The following ACSL5 variants were observed in gnomAD, a reference collection of about 807,000 sequenced individuals.
The protein encoded by ACSL5 is acyl-CoA synthetase long chain family member 5.
A neutral mutation model predicts 84.9 loss-of-function variants in ACSL5; 50 were observed. The ratio of observed to expected loss-of-function variants is 0.59; its 90% confidence interval spans 0.47 to 0.75. The LOEUF (loss-of-function observed/expected upper bound fraction) is 0.75, where lower values mean the gene tolerates loss of function less well. Ranked by LOEUF, ACSL5 falls within the 30% of genes least tolerant of loss-of-function variation. ACSL5 has a pLI of 0.00. For synonymous variants in ACSL5, 280 were observed against 300.7 expected, an observed-to-expected ratio of 0.93 and a Z score of 0.71; for missense variants, 775 against 830.4, an observed-to-expected ratio of 0.93 and a Z score of 0.82.
At chr10:112,411,250 A>G in intron 9 of ACSL5, 1 of 576,770 alleles carries the variant, frequency 1.7e-6, no homozygotes, top group South Asian at 2.1e-5. Context: ...ATAGTAGTAG[A>G]AGGCCAACGA....
intron 1 of ACSL5, among the ~76,000 whole-genome samples, chr10:112,392,137 G>A (rs1360549262): frequency 6.6e-6 from 1 of 152,188 alleles, no homozygotes; most frequent in African/African-American, 2.4e-5. Context: ...CTCTTAATTT[G>A]TGGGTGGGAT....
chr10:112,417,141 T>C, intron 13 of ACSL5, 119 bp downstream of exon 13: 1 of 1,096,924 alleles, frequency 9.1e-7, no homozygotes, highest in Non-Finnish European at 1.3e-6. Flanking sequence ...CTTTCAGACT[T>C]TGTGTCCACT....
intron 1 of ACSL5, chr10:112,394,707 G>A: frequency 8.2e-6 from 8 of 980,846 alleles, no homozygotes; most frequent in Non-Finnish European, 9.7e-6. Context: ...TAGCAGAGGT[G>A]GAGAATGTGT....
intron 17 of ACSL5, 57 bp from the exon 18 acceptor site, chr10:112,425,281 C>T (rs1375627240): frequency 2.0e-6 from 3 of 1,482,908 alleles, no homozygotes; most frequent in African/African-American, 1.4e-5. Context: ...ACCACTCTCC[C>T]CACTGATATC....
Position 112,421,475 on chromosome 10 carries a change from A to G in ACSL5, c.1315-118A>G, listed in dbSNP as rs1564743671. ...CGCCCCCTCCAAGTTCAAGGTTTTA[A>G]GACACTAAGTGGTCTCGAACCCTTA... On this transcript the variant is annotated intron_variant, in intron 14 of 20. Transcript: ENST00000354655. The G allele has an allele frequency of 3.5e-6, 3 of 852,668 alleles. No homozygotes were observed. The East Asian group carries it at 7.6e-5, about 22-fold the overall frequency. The allele number at this position is 852,668 out of a possible 1,614,324, so 52.8% of individuals were successfully genotyped here.
At chr10:112,407,824 A>G (rs148406127) in intron 5 of ACSL5, among the ~76,000 whole-genome samples, 32 of 152,276 alleles carry the variant, frequency 2.1e-4, no homozygotes, top group African/African-American at 7.2e-4. Context: ...CTCACCCTTG[A>G]AAGTGATCTC....
At chr10:112,409,999 T>C (rs1308303225) in intron 7 of ACSL5, 1 of 227,812 alleles carries the variant, frequency 4.4e-6, no homozygotes, top group Non-Finnish European at 7.3e-6. Flanking sequence ...GCTCCACATC[T>C]GTTAGGCAAC....
In ACSL5 at chr10:112,395,116, C is replaced by T; in HGVS notation, c.156+14C>T. ...GTGGGAATTGAGGTAATTTACCAGT[C>T]ATCCTTTTAGTTTGTCAACCTTCCT... On this transcript the variant is annotated intron_variant, in intron 2 of 20. Transcript: ENST00000354655. 1 of 1,608,580 alleles carries T rather than the reference C, an allele frequency of 6.2e-7. No homozygotes were observed. The highest frequency in any genetic ancestry group is 8.5e-7 in the Non-Finnish European group (1 of 1,175,926).
Position 112,417,019 on chromosome 10 carries a change from C to A in ACSL5, c.1215C>A (p.Ile405=). The A allele has an allele frequency of 6.2e-7, 1 of 1,613,604 alleles. No homozygotes were observed. Among genetic ancestry groups the A allele is most frequent in the Non-Finnish European group, 8.5e-7 (1 of 1,179,672 alleles). ...GGGACAAGCTCATCTTTGCAAAGATCCAGGTAGGTTGGGCAGGTCCTGGAC... is the reference window on the plus strand; with the variant it reads ...GGGACAAGCTCATCTTTGCAAAGATACAGGTAGGTTGGGCAGGTCCTGGAC... ...SFWDKLIFAK[I]QDSLGGRVRV... Residue 405 remains isoleucine, a synonymous_variant, in exon 13 of 21, where the codon ATC becomes ATA. Transcript: ENST00000354655.
chr10:112,395,420 A>G (rs1843725238), intron 2 of ACSL5, among the ~76,000 whole-genome samples: 1 of 152,220 alleles, frequency 6.6e-6, no homozygotes, highest in Non-Finnish European at 1.5e-5. Flanking sequence ...AAAAACAAAA[A>G]TGGGAAAGAT....
Position 112,409,749 on chromosome 10 carries a change from A to G in ACSL5, c.711+64A>G. 6.6e-7 allele frequency: 1 copy of G among 1,523,502 alleles called. No homozygotes were observed. Among genetic ancestry groups the G allele is most frequent in the Non-Finnish European group, 9.0e-7 (1 of 1,105,036 alleles). The allele number at this position is 1,523,502 out of a possible 1,614,324, so 94.4% of individuals were successfully genotyped here. A position where few individuals can be genotyped will look rare whatever the true frequency, so the allele number is the denominator to read the frequency against. On this transcript the variant is annotated intron_variant, in intron 7 of 20. Transcript: ENST00000354655. Reference sequence around the variant, plus strand: ...TCCAACACCTTGGGCAACTTGCAAGATACCTTCCCAAGAGGACAGTGTTCT... The same window carrying G: ...TCCAACACCTTGGGCAACTTGCAAGGTACCTTCCCAAGAGGACAGTGTTCT...
At chr10:112,377,361 G>T (rs1162659296) in intron 1 of ACSL5, among the ~76,000 whole-genome samples, 2 of 152,140 alleles carry the variant, frequency 1.3e-5, no homozygotes, top group Admixed American at 6.5e-5. Context: ...CCAACATGGC[G>T]AAACCCCATC....
intron 1 of ACSL5, among the ~76,000 whole-genome samples, chr10:112,384,304 GTT>G (rs76989317): frequency 0.49 from 73,767 of 151,690 alleles, 18,012 homozygotes; most frequent in South Asian, 0.58. Flanking sequence ...GCTCAGGCTT[GTT>G]GTCAAACTCC....
chr10:112,409,212 C>T (rs1844119885), intron 6 of ACSL5: 1 of 311,202 alleles, frequency 3.2e-6, no homozygotes. Flanking sequence ...AGAACCACAC[C>T]TCAGTAACCT....
At chr10:112,388,081 G>C (rs1849489449) in intron 1 of ACSL5, among the ~76,000 whole-genome samples, 1 of 151,918 alleles carries the variant, frequency 6.6e-6, no homozygotes, top group African/African-American at 2.4e-5. Flanking sequence ...TGGGATTACA[G>C]GCATGCGCCA....
chr10:112,407,905 T>G (rs1450295392), intron 5 of ACSL5, among the ~76,000 whole-genome samples: 2 of 152,178 alleles, frequency 1.3e-5, no homozygotes, highest in East Asian at 1.9e-4. Context: ...GCCTTTGTAT[T>G]CTGGTCTACC....
At chr10:112,398,698 C>G (rs2133600276) in intron 2 of ACSL5, among the ~76,000 whole-genome samples, 1 of 152,226 alleles carries the variant, frequency 6.6e-6, no homozygotes, top group East Asian at 1.9e-4. Context: ...AGCCACCGAG[C>G]CCAGCCACTT....
intron 19 of ACSL5, 60 bp from the exon 20 acceptor site, chr10:112,426,728 T>C: frequency 6.7e-7 from 1 of 1,500,466 alleles, no homozygotes. Flanking sequence ...AGTTGGTTCA[T>C]GCTTAGCCCT....
chr10:112,392,399 G>A (rs1843663058), intron 1 of ACSL5, among the ~76,000 whole-genome samples: 2 of 116,372 alleles, frequency 1.7e-5, no homozygotes, highest in African/African-American at 5.1e-5. Context: ...TTGAGCCCAG[G>A]AGTTTGAAAC....
Sources: gnomAD v4.1 joint callset for allele counts (sites outside exome capture counted in the v4.1 genomes callset) on GRCh38, gnomAD v4.1.1 for gene constraint, MANE v1.5 for transcripts, NCBI Gene and HGNC (gene_info 2026-07-23, HGNC 2026-07-21) for gene names.